Variants in MLLT3 observed in about 807,000 individuals in gnomAD.
MLLT3 encodes the protein protein AF-9.
A neutral mutation model predicts 53.2 loss-of-function variants in MLLT3; 4 were observed. The ratio of observed to expected loss-of-function variants is 0.08; its 90% CI spans 0.04 to 0.17. The LOEUF (loss-of-function observed/expected upper bound fraction) is 0.17. Among genes scored for constraint, MLLT3 ranks in the 10% least tolerant of loss-of-function variants. The pLI is 1.00. For missense variants in MLLT3, 569 were observed against 684.0 expected, an observed-to-expected ratio of 0.83 and a Z score of 1.87; for synonymous variants, 283 against 230.6, an observed-to-expected ratio of 1.23 and a Z score of -2.06.
At chr9:20,442,121 T>C (rs1394018623) in intron 4 of MLLT3, among the ~76,000 whole-genome samples, 1 of 152,174 alleles carries the variant, frequency 6.6e-6, no homozygotes, top group Non-Finnish European at 1.5e-5. Context: ...AAATGGCTTT[T>C]TAAGCATATG....
intron 2 of MLLT3, among the ~76,000 whole-genome samples, chr9:20,540,232 C>A (rs1818594012): frequency 6.6e-6 from 1 of 152,154 alleles, no homozygotes; most frequent in African/African-American, 2.4e-5. Context: ...GTGTACAGTG[C>A]AAGGTGTCAC....
At chr9:20,616,527 C>G (rs1223008723) in intron 2 of MLLT3, among the ~76,000 whole-genome samples, 1 of 152,114 alleles carries the variant, frequency 6.6e-6, no homozygotes, top group Admixed American at 6.5e-5. Context: ...CCTCCCATCA[C>G]CACCACAAGT....
In MLLT3 at chr9:20,557,662, C is replaced by T. The variant is rs532483788; in HGVS notation, c.193+62992G>A. 7.2e-5 allele frequency among the ~76,000 whole-genome samples: 11 copies of T among 152,280 alleles called. No individual in the cohort carries two copies. The South Asian group carries it at 2.3e-3, about 32-fold the overall frequency. On this transcript the variant is annotated intron_variant, in intron 2 of 10. Coordinates refer to ENST00000380338, the MANE Select transcript of MLLT3 (RefSeq NM_004529.4). ...TATCTATGAACCCCATTAGTCCCTT[C>T]CTAGAGAAAGGCACTAGTGAGAATA...
chr9:20,547,954 A>C (rs1818833805), intron 2 of MLLT3, among the ~76,000 whole-genome samples: 4 of 152,202 alleles, frequency 2.6e-5, no homozygotes. Context: ...CTTATCTCAA[A>C]AATAAAACAA....
chr9:20,577,635 A>G (rs1819687639), intron 2 of MLLT3, among the ~76,000 whole-genome samples: 1 of 152,172 alleles, frequency 6.6e-6, no homozygotes, highest in African/African-American at 2.4e-5. Context: ...TTCTAGCCCC[A>G]TTACTGCACA....
At chr9:20,393,672 A>G (rs1008726961) in intron 5 of MLLT3, among the ~76,000 whole-genome samples, 1 of 152,206 alleles carries the variant, frequency 6.6e-6, no homozygotes, top group Non-Finnish European at 1.5e-5. Flanking sequence ...GCCTTACATA[A>G]CCACTTTTTA....
chr9:20,603,167 A>G (rs1820476468), intron 2 of MLLT3, among the ~76,000 whole-genome samples: 1 of 152,140 alleles, frequency 6.6e-6, no homozygotes, highest in South Asian at 2.1e-4. Flanking sequence ...GCAGTCTTCT[A>G]TAATCTTATC....
intron 5 of MLLT3, among the ~76,000 whole-genome samples, chr9:20,407,346 A>G (rs185151943): frequency 8.4e-4 from 128 of 152,316 alleles, no homozygotes; most frequent in African/African-American, 2.9e-3. Context: ...TCTAGACCCA[A>G]GAGAGTCAGT....
At chr9:20,363,278 A>G in intron 7 of MLLT3, 198 bp downstream of exon 7, 1 of 539,224 alleles carries the variant, frequency 1.9e-6, no homozygotes, top group Non-Finnish European at 3.0e-6. Flanking sequence ...TTTTAGAGGA[A>G]AAGCCTCTTT....
At chr9:20,583,374 T>C (rs1831458) in intron 2 of MLLT3, among the ~76,000 whole-genome samples, 63,554 of 151,782 alleles carry the variant, frequency 0.42, 13,807 homozygotes, top group Middle Eastern at 0.5. Flanking sequence ...AAGCAGTCGG[T>C]GGATCTACCA....
intron 5 of MLLT3, among the ~76,000 whole-genome samples, chr9:20,369,966 A>AT (rs1821554677): frequency 6.6e-6 from 1 of 152,190 alleles, no homozygotes; most frequent in African/African-American, 2.4e-5. Flanking sequence ...TGAGGTTCTG[A>AT]TTTTTTCCCC....
intron 5 of MLLT3, among the ~76,000 whole-genome samples, chr9:20,380,480 G>A (rs934260846): frequency 6.6e-6 from 1 of 151,948 alleles, no homozygotes; most frequent in Non-Finnish European, 1.5e-5. Context: ...CATAAAACAG[G>A]AGCAATTCCT....
intron 5 of MLLT3, among the ~76,000 whole-genome samples, chr9:20,376,817 T>C (rs1434487695): frequency 6.6e-6 from 1 of 152,238 alleles, no homozygotes; most frequent in East Asian, 1.9e-4. Context: ...ATCCAGTTGT[T>C]GCAAGATGTG....
intron 2 of MLLT3, among the ~76,000 whole-genome samples, chr9:20,618,178 A>T (rs908644136): frequency 1.3e-5 from 2 of 152,230 alleles, no homozygotes; most frequent in Non-Finnish European, 2.9e-5. Context: ...TCACAAATTC[A>T]TATTTTCAGT....
chr9:20,544,720 T>A (rs1024951968), intron 2 of MLLT3, among the ~76,000 whole-genome samples: 6 of 152,206 alleles, frequency 3.9e-5, no homozygotes, highest in African/African-American at 1.4e-4. Context: ...GATTCAGCAA[T>A]CCCATTTCTG....
chr9:20,465,517 G>A (rs1824216180), intron 2 of MLLT3, among the ~76,000 whole-genome samples: 1 of 152,010 alleles, frequency 6.6e-6, no homozygotes, highest in Admixed American at 6.6e-5. Context: ...TGATAGAAAT[G>A]GCAATGTGTT....
chr9:20,417,567 C>G (rs1012956003), intron 4 of MLLT3, among the ~76,000 whole-genome samples: 13 of 151,844 alleles, frequency 8.6e-5, no homozygotes, highest in African/African-American at 3.1e-4. Context: ...TTAGGACAAA[C>G]TGAATATCAA....
At chr9:20,563,645 CAGCTGGG>C (rs976287245) in intron 2 of MLLT3, among the ~76,000 whole-genome samples, 3 of 152,106 alleles carry the variant, frequency 2.0e-5, no homozygotes, top group African/African-American at 7.2e-5. Flanking sequence ...TAAAGCCTCT[CAGCTGGG>C]TTAGAAAGCC....
At chr9:20,424,721 T>G (rs544567609) in intron 4 of MLLT3, among the ~76,000 whole-genome samples, 1 of 152,246 alleles carries the variant, frequency 6.6e-6, no homozygotes, top group Non-Finnish European at 1.5e-5. Context: ...CAATAAACAA[T>G]ATTCACTGAT....
Sources: gnomAD v4.1 joint callset for allele counts (sites outside exome capture counted in the v4.1 genomes callset) on GRCh38, gnomAD v4.1.1 for gene constraint, MANE v1.5 for transcripts, NCBI Gene and HGNC (gene_info 2026-07-23, HGNC 2026-07-21) for gene names.